PDE4D: variants seen among roughly 807,000 people sequenced by gnomAD.
PDE4D encodes 3',5'-cyclic-AMP phosphodiesterase 4D.
Under a neutral mutation model 87.4 loss-of-function variants are expected in PDE4D, and 24 were observed. That is an observed-to-expected ratio of 0.27 (90% CI 0.20 to 0.39). The LOEUF (loss-of-function observed/expected upper bound fraction) is 0.39. Ranked by LOEUF, PDE4D falls within the 10% of genes least tolerant of loss-of-function variation. The pLI is 1.00. For missense variants in PDE4D, 714 were observed against 1,041.0 expected (o/e 0.69, Z 4.32); for synonymous variants, 384 against 383.2 (o/e 1.00, Z -0.02).
intron 1 of PDE4D, chr5:59,586,650 A>T: frequency 1.0e-6 from 1 of 985,412 alleles, no homozygotes; most frequent in African/African-American, 1.7e-5. Flanking sequence ...AACATACTAA[A>T]ATAACCAGTT....
At chr5:59,364,465 A>C (rs1462761180) in intron 1 of PDE4D, among the ~76,000 whole-genome samples, 2 of 152,232 alleles carry the variant, frequency 1.3e-5, no homozygotes, top group African/African-American at 4.8e-5. Flanking sequence ...GTCAGATGAT[A>C]TCCAGTAAAA....
chr5:59,372,206 C>T (rs1038825172), intron 1 of PDE4D, among the ~76,000 whole-genome samples: 2 of 152,186 alleles, frequency 1.3e-5, no homozygotes, highest in Non-Finnish European at 2.9e-5. Context: ...AAGAAGCTTA[C>T]GTGTCTCATA....
chr5:59,332,082 T>C (rs1040561351), intron 1 of PDE4D, among the ~76,000 whole-genome samples: 1 of 152,238 alleles, frequency 6.6e-6, no homozygotes, highest in African/African-American at 2.4e-5. Context: ...TGATAAATCA[T>C]TCACTGAGTT....
chr5:59,172,361 AT>A (rs1481691317), intron 5 of PDE4D, among the ~76,000 whole-genome samples: 2 of 134,796 alleles, frequency 1.5e-5, no homozygotes, highest in Non-Finnish European at 3.1e-5. Flanking sequence ...TATTTTGTAT[AT>A]ATTATATATA....
At chr5:59,245,031 A>G (rs1321836194) in intron 1 of PDE4D, among the ~76,000 whole-genome samples, 2 of 152,088 alleles carry the variant, frequency 1.3e-5, no homozygotes, top group Non-Finnish European at 2.9e-5. Flanking sequence ...ACATGTTATT[A>G]CAAAATAATT....
chr5:59,810,747 CCGG>C (rs566797208), intron 1 of PDE4D, among the ~76,000 whole-genome samples: 99 of 152,298 alleles, frequency 6.5e-4, no homozygotes, highest in Middle Eastern at 3.4e-3. Flanking sequence ...TCCCATTTTT[CCGG>C]CTTATTTAAA....
At chr5:59,736,458 C>T (rs920626852) in intron 1 of PDE4D, among the ~76,000 whole-genome samples, 2 of 152,018 alleles carry the variant, frequency 1.3e-5, no homozygotes, top group Non-Finnish European at 2.9e-5. Context: ...GCGGGTGGAT[C>T]ACCTGAGGTC....
At chr5:59,630,172 G>A (rs1212702440) in intron 1 of PDE4D, among the ~76,000 whole-genome samples, 3 of 152,100 alleles carry the variant, frequency 2.0e-5, no homozygotes, top group Admixed American at 2.0e-4. Context: ...TTATGCATAT[G>A]CACACATACG....
In PDE4D at chr5:59,879,504, T is replaced by A. The variant is rs75800685; in HGVS notation, c.455+13664A>T. 8.6e-3 allele frequency among the ~76,000 whole-genome samples: 1,314 copies of A among 152,370 alleles called. 17 individuals are homozygous for A. Among genetic ancestry groups the A allele is most frequent in the African/African-American group, 0.03 (1,254 of 41,600 alleles). ...CAGTTATATTCTGTTAAACTACTAG[T>A]GCACATTTGAGGACATTATCGTTGT... is the stretch of plus-strand genomic sequence containing the variant. On this transcript the variant is annotated intron_variant, in intron 1 of 14. Transcript: ENST00000340635.
At chr5:59,278,125 AGT>A (rs1765168557) in intron 1 of PDE4D, among the ~76,000 whole-genome samples, 1 of 152,096 alleles carries the variant, frequency 6.6e-6, no homozygotes, top group African/African-American at 2.4e-5. Context: ...TATTTAAGGT[AGT>A]GACAGAATAA....
At chr5:59,158,587 T>G (rs948395812) in intron 5 of PDE4D, among the ~76,000 whole-genome samples, 4 of 152,260 alleles carry the variant, frequency 2.6e-5, no homozygotes, top group Non-Finnish European at 4.4e-5. Context: ...TGGTATCTTT[T>G]ATTCACTTCT....
At chr5:60,238,991 C>G (rs1340900334) in intron 1 of PDE4D, among the ~76,000 whole-genome samples, 1 of 152,002 alleles carries the variant, frequency 6.6e-6, no homozygotes, top group African/African-American at 2.4e-5. Context: ...GCTTAGCATT[C>G]CAATAATGGA....
chr5:59,874,700 CTA>C lies in PDE4D; in HGVS notation c.455+18466_455+18467del, dbSNP rs761367540. On this transcript the variant is annotated intron_variant, in intron 1 of 14. Coordinates refer to ENST00000340635, the MANE Select transcript of PDE4D (RefSeq NM_001104631.2). ...CTTCGGAACTGGGTTCTTGCCTTGA[CTA>C]TGTCAATTATCACAGTTTTTCTCCC... Among the ~76,000 whole-genome samples, 8 of 152,308 alleles carry C rather than the reference CTA, an allele frequency of 5.3e-5. No homozygotes were observed. In the East Asian group the frequency reaches 9.7e-4, roughly 18 times the overall value.
At chr5:59,567,057 T>C (rs1053324454) in intron 1 of PDE4D, among the ~76,000 whole-genome samples, 1 of 152,220 alleles carries the variant, frequency 6.6e-6, no homozygotes, top group African/African-American at 2.4e-5. Flanking sequence ...AATGTAAGAA[T>C]TAAATGCAAA....
chr5:60,050,855 T>C (rs536250212), intron 2 of PDE4D, among the ~76,000 whole-genome samples: 20 of 151,796 alleles, frequency 1.3e-4, no homozygotes, highest in Non-Finnish European at 2.2e-4. Context: ...ACCAAGCAAA[T>C]GGAAAGCAAA....
chr5:59,683,551 G>T (rs57402847), intron 1 of PDE4D, among the ~76,000 whole-genome samples: 4 of 151,830 alleles, frequency 2.6e-5, no homozygotes, highest in Non-Finnish European at 5.9e-5. Context: ...TACATATTTC[G>T]AGGACAACTA....
intron 1 of PDE4D, among the ~76,000 whole-genome samples, chr5:60,281,053 G>C (rs1320914890): frequency 5.3e-5 from 8 of 152,174 alleles, no homozygotes. Flanking sequence ...TGTCAAACTA[G>C]TTTAGAAATA....
chr5:59,915,981 A>G (rs543842660), intron 3 of PDE4D, among the ~76,000 whole-genome samples: 2 of 152,252 alleles, frequency 1.3e-5, no homozygotes, highest in African/African-American at 4.8e-5. Flanking sequence ...TTTTCCCCAC[A>G]TCTGTTATTG....
chr5:59,709,865 C>T (rs1753957046), intron 1 of PDE4D, among the ~76,000 whole-genome samples: 1 of 152,060 alleles, frequency 6.6e-6, no homozygotes, highest in South Asian at 2.1e-4. Flanking sequence ...AATACAAATC[C>T]CAAGTCTCCA....
Sources: allele counts gnomAD v4.1 joint callset (sites outside exome capture counted in the v4.1 genomes callset), GRCh38; gene constraint gnomAD v4.1.1; transcripts MANE v1.5; gene names NCBI Gene and HGNC (gene_info 2026-07-23, HGNC 2026-07-21).